UNC13C: variants seen among roughly 807,000 people sequenced by gnomAD.
UNC13C encodes the protein protein unc-13 homolog C.
Under a neutral mutation model 245.4 loss-of-function variants are expected in UNC13C, and 174 were observed. The ratio of observed to expected loss-of-function variants is 0.71; its 90% CI spans 0.63 to 0.80. The LOEUF is 0.80. Ranked by LOEUF, UNC13C falls within the 30% of genes least tolerant of loss-of-function variation. UNC13C has a pLI of 0.00. For missense variants in UNC13C, 2,829 were observed against 2,602.9 expected (o/e 1.09, Z -1.89); for synonymous variants, 992 against 895.1 (o/e 1.11, Z -1.93).
intron 2 of UNC13C, among the ~76,000 whole-genome samples, chr15:54,023,157 T>C (rs1172072916): frequency 6.6e-6 from 1 of 152,220 alleles, no homozygotes; most frequent in Non-Finnish European, 1.5e-5. Flanking sequence ...AAGAAGGTAC[T>C]GTTAGCCTCA....
At chr15:54,461,358 A>T (rs1891833712) in intron 19 of UNC13C, among the ~76,000 whole-genome samples, 1 of 152,186 alleles carries the variant, frequency 6.6e-6, no homozygotes, top group Non-Finnish European at 1.5e-5. Context: ...ATATTCCAAA[A>T]TTCAAAATCC....
chr15:54,148,264 T>A (rs2032366989), intron 4 of UNC13C, among the ~76,000 whole-genome samples: 1 of 152,148 alleles, frequency 6.6e-6, no homozygotes, highest in Non-Finnish European at 1.5e-5. Flanking sequence ...ATTTCCAAGG[T>A]TGTTCAATTA....
At chr15:54,337,075 A>T (rs910174783) in intron 16 of UNC13C, among the ~76,000 whole-genome samples, 2 of 151,878 alleles carry the variant, frequency 1.3e-5, no homozygotes, top group Non-Finnish European at 2.9e-5. Context: ...TCAGACTTTT[A>T]CTCTCTCACT....
At chr15:54,339,952 A>G (rs1173215534) in intron 17 of UNC13C, among the ~76,000 whole-genome samples, 2 of 152,054 alleles carry the variant, frequency 1.3e-5, no homozygotes, top group African/African-American at 2.4e-5. Flanking sequence ...GACAACGTCT[A>G]TTATTTTTTA....
At chr15:54,183,067 G>A (rs990345983) in intron 4 of UNC13C, among the ~76,000 whole-genome samples, 1 of 151,522 alleles carries the variant, frequency 6.6e-6, no homozygotes, top group Non-Finnish European at 1.5e-5. Flanking sequence ...GCTAGTAGAG[G>A]AGAAAAATAA....
the UNC13C span, among the ~76,000 whole-genome samples, chr15:53,854,486 G>A: frequency 2.0e-5 from 3 of 152,214 alleles, no homozygotes; most frequent in African/African-American, 7.2e-5. Flanking sequence ...GTGTAAGGAA[G>A]GGGTCCAGTT....
intron 30 of UNC13C, among the ~76,000 whole-genome samples, chr15:54,569,631 A>G (rs1311462920): frequency 1.3e-5 from 2 of 151,938 alleles, no homozygotes; most frequent in Non-Finnish European, 2.9e-5. Flanking sequence ...ACTATGGTAT[A>G]TGGAATTTGG....
chr15:54,281,707 A>G (rs1363453549), intron 10 of UNC13C, among the ~76,000 whole-genome samples: 1 of 152,250 alleles, frequency 6.6e-6, no homozygotes, highest in Non-Finnish European at 1.5e-5. Flanking sequence ...TAAGTGATAC[A>G]CATGTACACA....
the UNC13C span, among the ~76,000 whole-genome samples, chr15:53,947,075 A>G: frequency 6.6e-6 from 1 of 152,152 alleles, no homozygotes; most frequent in African/African-American, 2.4e-5. Flanking sequence ...TGTTCCCAAT[A>G]TTTCCAAATA....
chr15:53,996,214 G>A (rs548044602), intron 1 of UNC13C, among the ~76,000 whole-genome samples: 23 of 152,236 alleles, frequency 1.5e-4, no homozygotes, highest in African/African-American at 4.8e-4. Flanking sequence ...ACTGAAACAC[G>A]TATCTTTTTG....
chr15:54,010,973 G>A (rs933899200), intron 1 of UNC13C, among the ~76,000 whole-genome samples: 1 of 152,206 alleles, frequency 6.6e-6, no homozygotes, highest in African/African-American at 2.4e-5. Context: ...TGGCTGAAAT[G>A]TGGCCAATTC....
chr15:54,259,230 T>C (rs577970047), intron 8 of UNC13C, among the ~76,000 whole-genome samples: 16 of 152,376 alleles, frequency 1.1e-4, no homozygotes, highest in African/African-American at 3.8e-4. Context: ...ACATTCAGAC[T>C]ACGCCAGTTA....
chr15:53,972,299 C>T, the UNC13C span, among the ~76,000 whole-genome samples: 46 of 152,258 alleles, frequency 3.0e-4, no homozygotes, highest in Admixed American at 2.9e-3. Flanking sequence ...TAGCTTTTGC[C>T]CTTCTGGGCT....
At chr15:54,296,380 TTTA>T (rs1472296016) in intron 11 of UNC13C, among the ~76,000 whole-genome samples, 1,507 of 83,526 alleles carry the variant, frequency 0.018, 31 homozygotes, top group East Asian at 0.071. Context: ...TTTTTTTTTT[TTTA>T]TTTTTTTTTA....
chr15:54,530,405 C>A (rs940938818), intron 25 of UNC13C, among the ~76,000 whole-genome samples: 1 of 152,202 alleles, frequency 6.6e-6, no homozygotes, highest in African/African-American at 2.4e-5. Context: ...TCCTGCATAA[C>A]CTCTTTGTGC....
chr15:54,270,671 G>GA lies in UNC13C; in HGVS notation c.3818+5185dup, dbSNP rs200386599. On this transcript the variant is annotated intron_variant, in intron 10 of 32. Transcript: ENST00000260323. ...ACCAATGAATAGGTTGCTGTAAAAA[G>GA]AAAAAAAAAATTCTACTAAAATAAG... Among the ~76,000 whole-genome samples, 124 of 148,690 alleles carry GA rather than the reference G, an allele frequency of 8.3e-4. 2 individuals are homozygous for GA. The highest frequency in any genetic ancestry group is 5.5e-3 in the East Asian group (28 of 5,112).
At chr15:54,472,881 TG>T (rs1448190319) in intron 19 of UNC13C, among the ~76,000 whole-genome samples, 1 of 151,916 alleles carries the variant, frequency 6.6e-6, no homozygotes, top group East Asian at 1.9e-4. Context: ...ATTTCATATT[TG>T]GGGAGTCGGA....
chr15:54,098,880 T>C (rs1047606623), intron 2 of UNC13C, among the ~76,000 whole-genome samples: 1 of 152,192 alleles, frequency 6.6e-6, no homozygotes, highest in Non-Finnish European at 1.5e-5. Flanking sequence ...TTCCCTAATA[T>C]ACTGCTAAGG....
chr15:54,197,762 C>T (rs527831857), intron 4 of UNC13C, among the ~76,000 whole-genome samples: 1 of 152,148 alleles, frequency 6.6e-6, no homozygotes, highest in Non-Finnish European at 1.5e-5. Context: ...TGAATACTCA[C>T]ATCATGAACT....
Sources: gnomAD v4.1 joint callset for allele counts (sites outside exome capture counted in the v4.1 genomes callset) on GRCh38, gnomAD v4.1.1 for gene constraint, MANE v1.5 for transcripts, NCBI Gene and HGNC (gene_info 2026-07-23, HGNC 2026-07-21) for gene names.